PSTPIP2: variants seen among roughly 807,000 people sequenced by gnomAD.
PSTPIP2 encodes proline-serine-threonine phosphatase-interacting protein 2.
A neutral mutation model predicts 63.3 loss-of-function variants in PSTPIP2; 33 were observed. The ratio of observed to expected loss-of-function variants is 0.52; its 90% CI spans 0.40 to 0.70. The LOEUF (loss-of-function observed/expected upper bound fraction) is 0.70. Among genes scored for constraint, PSTPIP2 ranks in the 30% least tolerant of loss-of-function variants. The probability of loss-of-function intolerance (pLI) is 0.00; values close to 1 mark genes in which losing one functional copy is unlikely to be tolerated. For missense variants in PSTPIP2, 312 were observed against 400.7 expected (o/e 0.78, Z 1.89); for synonymous variants, 125 against 132.7 (o/e 0.94, Z 0.40).
At chr18:46,070,617 A>T (rs1239113135) in intron 1 of PSTPIP2, among the ~76,000 whole-genome samples, 1 of 152,152 alleles carries the variant, frequency 6.6e-6, no homozygotes, top group Non-Finnish European at 1.5e-5. Context: ...GGCCTCAAGC[A>T]ATCCTCTTGC....
intron 9 of PSTPIP2, among the ~76,000 whole-genome samples, chr18:45,995,802 C>T (rs1222914726): frequency 6.6e-6 from 1 of 152,006 alleles, no homozygotes; most frequent in African/African-American, 2.4e-5. Flanking sequence ...GTAAGAACTG[C>T]TGGTTTTGTT....
At position 46,023,280 on chromosome 18, in the gene PSTPIP2, G is replaced by A. The variant is rs78847061; in HGVS notation, c.212+1329C>T. On this transcript the variant is annotated intron_variant, in intron 3 of 14. Coordinates refer to ENST00000409746, the MANE Select transcript of PSTPIP2 (RefSeq NM_024430.4). Reference sequence around the variant, plus strand: ...CTAAACTTAAAATAAAAGTTTTTTCGCCGGGCATGGTGGATTACACCTGTA... The same window carrying A: ...CTAAACTTAAAATAAAAGTTTTTTCACCGGGCATGGTGGATTACACCTGTA... Among the ~76,000 whole-genome samples the A allele has an allele frequency of 1.3e-3, 203 of 152,030 alleles. 1 individual carries two copies. Among genetic ancestry groups the A allele is most frequent in the African/African-American group, 4.7e-3 (197 of 41,480 alleles).
chr18:46,028,512 G>A, intron 2 of PSTPIP2: 1 of 646,766 alleles, frequency 1.5e-6, no homozygotes, highest in Non-Finnish European at 2.9e-6. Flanking sequence ...CGAGGACGAC[G>A]AGGACACGCT....
At chr18:46,054,533 A>G (rs1232858946) in intron 1 of PSTPIP2, among the ~76,000 whole-genome samples, 1 of 152,224 alleles carries the variant, frequency 6.6e-6, no homozygotes, top group Non-Finnish European at 1.5e-5. Context: ...CTGGTGCATA[A>G]TTGTAACAAA....
chr18:46,009,765 G>A (rs560099556), intron 5 of PSTPIP2, among the ~76,000 whole-genome samples: 23 of 152,296 alleles, frequency 1.5e-4, no homozygotes, highest in Non-Finnish European at 2.6e-4. Flanking sequence ...GAAGTCATGC[G>A]TGCCTAGACT....
intron 1 of PSTPIP2, among the ~76,000 whole-genome samples, chr18:46,048,014 G>A (rs1329721591): frequency 1.3e-5 from 2 of 152,222 alleles, no homozygotes; most frequent in East Asian, 1.9e-4. Context: ...CTGGTCCCTA[G>A]GACCTGTGAA....
chr18:46,031,471 G>C (rs1172525638), intron 2 of PSTPIP2, among the ~76,000 whole-genome samples: 1 of 152,018 alleles, frequency 6.6e-6, no homozygotes, highest in Admixed American at 6.6e-5. Flanking sequence ...AGATTTTCCA[G>C]CTCCTGACAA....
intron 6 of PSTPIP2, 90 bp downstream of exon 6, chr18:46,005,379 T>A: frequency 9.3e-7 from 1 of 1,080,006 alleles, no homozygotes; most frequent in East Asian, 2.6e-5. Context: ...ATTTTTGAAA[T>A]GTTATTTGAG....
At chr18:46,005,718 C>A (rs939289130) in intron 5 of PSTPIP2, among the ~76,000 whole-genome samples, 187 bp from the exon 6 acceptor site, 8 of 152,162 alleles carry the variant, frequency 5.3e-5, no homozygotes, top group Non-Finnish European at 4.4e-5. Flanking sequence ...TAACGGGGCC[C>A]ATCTTTGAAC....
intron 3 of PSTPIP2, among the ~76,000 whole-genome samples, chr18:46,024,389 C>T (rs1209868123): frequency 6.6e-6 from 1 of 152,078 alleles, no homozygotes; most frequent in Non-Finnish European, 1.5e-5. Flanking sequence ...CCACCTGCCT[C>T]GGCCTCCCAA....
intron 3 of PSTPIP2, among the ~76,000 whole-genome samples, chr18:46,020,824 G>T (rs1907320008): frequency 6.6e-6 from 1 of 152,132 alleles, no homozygotes; most frequent in Admixed American, 6.5e-5. Context: ...AAACTGACTG[G>T]CTTTTATCAA....
rs748141602 is a variant in PSTPIP2 at position 45,998,962 on chromosome 18, TG to T, written c.517-124del. 8.1e-4 allele frequency: 783 copies of T among 968,808 alleles called. 3 individuals carry two copies. Among genetic ancestry groups the T allele is most frequent in the Admixed American group, 1.5e-3 (70 of 45,656 alleles). 60.0% of individuals were successfully genotyped at this position (968,808 alleles called of 1,614,324 possible). Reference sequence around the variant, plus strand: ...GAGACCAGGTCTAGTGCAAGTCCTGTGTACATTTCCCTCATGAGCAAATCAT... The same window carrying T: ...GAGACCAGGTCTAGTGCAAGTCCTGTTACATTTCCCTCATGAGCAAATCAT... On this transcript the variant is annotated intron_variant, in intron 7 of 14. Coordinates refer to ENST00000409746, the MANE Select transcript of PSTPIP2 (RefSeq NM_024430.4).
intron 4 of PSTPIP2, among the ~76,000 whole-genome samples, chr18:46,014,134 T>C (rs1441947778): frequency 1.3e-5 from 2 of 152,120 alleles, no homozygotes; most frequent in Non-Finnish European, 1.5e-5. Context: ...GTGATTCTCG[T>C]GCCTCAGCCT....
intron 4 of PSTPIP2, among the ~76,000 whole-genome samples, chr18:46,015,616 G>A (rs907003472): frequency 2.0e-5 from 3 of 152,138 alleles, no homozygotes; most frequent in Non-Finnish European, 2.9e-5. Context: ...AAACTCTGGG[G>A]ATGGGTCTCA....
Position 46,039,940 on chromosome 18 carries a change from A to G in PSTPIP2, c.134+7T>C, listed in dbSNP as rs773142947. The G allele has an allele frequency of 6.2e-7, 1 of 1,602,916 alleles. No individual in the cohort carries two copies. The highest frequency in any genetic ancestry group is 1.1e-5 in the South Asian group (1 of 90,844). ...CCCTCTTCAGAGAGGACAGAGCATC[A>G]TCGTACCTTTCTTTTAGAAAGTCTT... On this transcript the variant is annotated splice_region_variant and intron_variant, in intron 2 of 14. Coordinates refer to ENST00000409746, the MANE Select transcript of PSTPIP2 (RefSeq NM_024430.4).
At chr18:46,045,603 T>G (rs992135973) in intron 1 of PSTPIP2, among the ~76,000 whole-genome samples, 8 of 152,046 alleles carry the variant, frequency 5.3e-5, no homozygotes, top group Non-Finnish European at 8.8e-5. Context: ...ATGTCACATG[T>G]ATACATATGT....
intron 2 of PSTPIP2, chr18:46,028,170 A>C (rs1907651286): frequency 3.0e-6 from 1 of 332,012 alleles, no homozygotes; most frequent in Non-Finnish European, 6.1e-6. Flanking sequence ...CAAAAAGAAA[A>C]GAGGCGCGCA....
rs1266227675 is a variant in PSTPIP2 at position 46,022,395 on chromosome 18, G to A, written c.212+2214C>T. Among the ~76,000 whole-genome samples the A allele has an allele frequency of 3.9e-5, 6 of 152,202 alleles. No individual in the cohort carries two copies. The East Asian group carries it at 1.2e-3, about 29-fold the overall frequency. Reference sequence around the variant, plus strand: ...CCTCTGAAGGGACACAGACCTCTGCGCATCTCTGAAGCTGTTGATAGCACA... The same window carrying A: ...CCTCTGAAGGGACACAGACCTCTGCACATCTCTGAAGCTGTTGATAGCACA... On this transcript the variant is annotated intron_variant, in intron 3 of 14. Coordinates refer to ENST00000409746, the MANE Select transcript of PSTPIP2 (RefSeq NM_024430.4).
chr18:46,050,196 G>A (rs552213779), intron 1 of PSTPIP2, among the ~76,000 whole-genome samples: 59 of 152,262 alleles, frequency 3.9e-4, no homozygotes, highest in African/African-American at 6.5e-4. Flanking sequence ...AGCCTTTGAC[G>A]ATGAGGAGTT....
Sources: gnomAD v4.1 joint callset for allele counts (sites outside exome capture counted in the v4.1 genomes callset) on GRCh38, gnomAD v4.1.1 for gene constraint, MANE v1.5 for transcripts, NCBI Gene and HGNC (gene_info 2026-07-23, HGNC 2026-07-21) for gene names.